BLTP1: variants seen among roughly 807,000 people sequenced by gnomAD.
The protein encoded by BLTP1 is bridge-like lipid transfer protein family member 1.
the BLTP1 span, chr4:122,184,595 G>C: frequency 1.8e-6 from 1 of 550,054 alleles, no homozygotes; most frequent in Admixed American, 6.4e-5. Flanking sequence ...AGCTGAGATT[G>C]TGCCATTGCA....
chr4:122,335,209 C>G, the BLTP1 span, among the ~76,000 whole-genome samples: 1 of 152,024 alleles, frequency 6.6e-6, no homozygotes, highest in Non-Finnish European at 1.5e-5. Context: ...CAGTTGACTT[C>G]CCTTAAAAGG....
At chr4:122,241,223 A>G in the BLTP1 span, among the ~76,000 whole-genome samples, 3 of 152,180 alleles carry the variant, frequency 2.0e-5, no homozygotes, top group Non-Finnish European at 4.4e-5. Context: ...GGGGCACTGC[A>G]TTTCAGGCAG....
At chr4:122,256,100 A>G in the BLTP1 span, 1 of 982,902 alleles carries the variant, frequency 1.0e-6, no homozygotes, top group East Asian at 1.1e-4. Flanking sequence ...TAGAACTTTT[A>G]GGATCTCTCT....
chr4:122,301,262 TA>T, the BLTP1 span: 475,747 of 1,309,242 alleles, frequency 0.36, 70,803 homozygotes, highest in South Asian at 0.53. Context: ...TTTTTTTCTT[TA>T]AAAAAAAAAA....
the BLTP1 span, among the ~76,000 whole-genome samples, chr4:122,319,753 C>A: frequency 3.3e-5 from 5 of 152,072 alleles, no homozygotes; most frequent in East Asian, 1.9e-4. Flanking sequence ...CTTGGCCAGG[C>A]TGGTCTTGAA....
the BLTP1 span, among the ~76,000 whole-genome samples, chr4:122,282,352 C>G: frequency 2.6e-5 from 4 of 152,082 alleles, no homozygotes; most frequent in African/African-American, 9.7e-5. Context: ...TACTTTGAAG[C>G]CTTCTTTGGC....
At chr4:122,174,826 G>A in the BLTP1 span, among the ~76,000 whole-genome samples, 2 of 151,934 alleles carry the variant, frequency 1.3e-5, no homozygotes, top group Admixed American at 1.3e-4. Flanking sequence ...TATTTTGTCA[G>A]TGGATTAATT....
the BLTP1 span, chr4:122,355,649 A>C: frequency 2.0e-6 from 1 of 500,232 alleles, no homozygotes; most frequent in Non-Finnish European, 3.1e-6. Context: ...CTGTATACAT[A>C]GATATATGTA....
the BLTP1 span, among the ~76,000 whole-genome samples, chr4:122,165,687 C>G: frequency 7.8e-6 from 1 of 128,448 alleles, no homozygotes; most frequent in African/African-American, 2.6e-5. Flanking sequence ...ACAGTCTCAC[C>G]AACAGTGTAA....
chr4:122,319,813 A>C, the BLTP1 span, among the ~76,000 whole-genome samples: 13 of 152,276 alleles, frequency 8.5e-5, no homozygotes, highest in African/African-American at 3.1e-4. Context: ...TGCTGGGATT[A>C]CAGGTGTGAG....
chr4:122,187,226 T>C, the BLTP1 span: 2 of 979,326 alleles, frequency 2.0e-6, no homozygotes, highest in Non-Finnish European at 2.4e-6. Context: ...CATCTAAAAG[T>C]TGATATGATA....
the BLTP1 span, chr4:122,312,734 AT>A: frequency 1.9e-6 from 1 of 525,888 alleles, no homozygotes; most frequent in East Asian, 1.5e-4. Flanking sequence ...AGTTGGAAAG[AT>A]TTTTCCCTTT....
chr4:122,235,515 C>T, the BLTP1 span: 64 of 978,908 alleles, frequency 6.5e-5, no homozygotes, highest in Middle Eastern at 1.6e-3. Context: ...GAATCTTTAG[C>T]ATAACTCTGG....
chr4:122,261,672 G>C, the BLTP1 span: 2 of 985,062 alleles, frequency 2.0e-6, no homozygotes, highest in Non-Finnish European at 1.2e-6. Flanking sequence ...GTAGAAGTTA[G>C]GTAGATGGGT....
the BLTP1 span, chr4:122,174,571 C>T: frequency 6.2e-7 from 1 of 1,608,996 alleles, no homozygotes; most frequent in African/African-American, 1.3e-5. Context: ...CTTCCTATAA[C>T]AGGTTCCTTC....
At chr4:122,228,700 T>TTG in the BLTP1 span, among the ~76,000 whole-genome samples, 3,002 of 151,268 alleles carry the variant, frequency 0.02, 44 homozygotes, top group Non-Finnish European at 0.032. Context: ...CTTAGTGAAT[T>TTG]TGTGTGTGTG....
At chr4:122,157,730 C>T in the BLTP1 span, among the ~76,000 whole-genome samples, 2 of 152,092 alleles carry the variant, frequency 1.3e-5, no homozygotes, top group Non-Finnish European at 2.9e-5. Flanking sequence ...TGATGGCTCA[C>T]TAGTTTAGCT....
chr4:122,188,491 C>T, the BLTP1 span, among the ~76,000 whole-genome samples: 5 of 152,010 alleles, frequency 3.3e-5, no homozygotes, highest in East Asian at 5.8e-4. Flanking sequence ...TATTGAAAGT[C>T]GAAAATTGAA....
At chr4:122,290,818 C>T in the BLTP1 span, 1 of 124,602 alleles carries the variant, frequency 8.0e-6, no homozygotes, top group African/African-American at 3.5e-5. Context: ...AATATACACA[C>T]ACACACACAC....
Sources: allele counts gnomAD v4.1 joint callset (sites outside exome capture counted in the v4.1 genomes callset), GRCh38; gene constraint gnomAD v4.1.1; transcripts MANE v1.5; gene names NCBI Gene and HGNC (gene_info 2026-07-23, HGNC 2026-07-21).